Variants in MAN1A1 observed in about 807,000 individuals in gnomAD.
The protein encoded by MAN1A1 is mannosidase alpha class 1A member 1, also known as mannosyl-oligosaccharide 1,2-alpha-mannosidase IA.
Under a neutral mutation model 70.8 loss-of-function variants are expected in MAN1A1, and 29 were observed. The ratio of observed to expected loss-of-function variants is 0.41; its 90% CI spans 0.31 to 0.56. The LOEUF (loss-of-function observed/expected upper bound fraction) is 0.56. Among genes scored for constraint, MAN1A1 ranks in the 20% least tolerant of loss-of-function variants. The probability of loss-of-function intolerance (pLI) is 0.29; values close to 1 mark genes in which losing one functional copy is unlikely to be tolerated. For missense variants in MAN1A1, 747 were observed against 841.3 expected (o/e 0.89, Z 1.39); for synonymous variants, 349 against 330.1 (o/e 1.06, Z -0.62).
chr6:119,266,984 G>T lies in MAN1A1; in HGVS notation c.898-18630C>A, dbSNP rs757556246. On this transcript the variant is annotated intron_variant, in intron 5 of 12. Transcript: ENST00000368468. ...CAGATGGTAAATAAGTATATGGAAAGATGTTCCACATCGCAAATCATCAAG... is the reference window on the plus strand; with the variant it reads ...CAGATGGTAAATAAGTATATGGAAATATGTTCCACATCGCAAATCATCAAG... Among the ~76,000 whole-genome samples, 4 of 152,184 alleles carry T rather than the reference G, an allele frequency of 2.6e-5. 1 individual carries two copies. The highest frequency in any genetic ancestry group is 5.9e-5 in the Non-Finnish European group (4 of 68,038).
intron 4 of MAN1A1, among the ~76,000 whole-genome samples, chr6:119,295,555 AGATCT>A (rs1374638654): frequency 3.9e-5 from 6 of 152,214 alleles, no homozygotes; most frequent in African/African-American, 1.4e-4. Context: ...ACAGCATGAC[AGATCT>A]GATTGATTGC....
At chr6:119,200,195 T>C (rs949544381) in intron 8 of MAN1A1, among the ~76,000 whole-genome samples, 1 of 152,202 alleles carries the variant, frequency 6.6e-6, no homozygotes. Context: ...TTAGTAAATA[T>C]GACTAAGACA....
chr6:119,257,746 C>T (rs1775500342), intron 5 of MAN1A1, among the ~76,000 whole-genome samples: 1 of 151,926 alleles, frequency 6.6e-6, no homozygotes, highest in Non-Finnish European at 1.5e-5. Context: ...AGCTCTAGTG[C>T]TTCAAACTAT....
At position 119,188,412 on chromosome 6, in the gene MAN1A1, G is replaced by A; in HGVS notation, c.1712C>T (p.Ala571Val). 1 of 1,603,720 alleles carries A rather than the reference G, an allele frequency of 6.2e-7. No individual in the cohort carries two copies. Among genetic ancestry groups the A allele is most frequent in the Non-Finnish European group, 8.5e-7 (1 of 1,176,962 alleles). ...TGCAAATTAAAACATCACCTCTACG[G>A]CTTCCCAGGCCCATTTCCTGTACTT... is the stretch of plus-strand genomic sequence containing the variant. ...DPKYRKWAWEAVEALENHCRV... is the reference protein window; with the variant it reads ...DPKYRKWAWEVVEALENHCRV... The change falls in exon 11 of 13, where the codon GCC (alanine) becomes GTC (valine). Residue 571 changes from alanine to valine, a missense_variant. Transcript: ENST00000368468.
chr6:119,246,870 T>C (rs1775181183), intron 6 of MAN1A1, among the ~76,000 whole-genome samples: 1 of 152,066 alleles, frequency 6.6e-6, no homozygotes, highest in African/African-American at 2.4e-5. Flanking sequence ...ATCTTCAAGC[T>C]GACAGAGAAA....
intron 5 of MAN1A1, among the ~76,000 whole-genome samples, chr6:119,252,741 G>C (rs1775357068): frequency 6.6e-6 from 1 of 152,174 alleles, no homozygotes; most frequent in South Asian, 2.1e-4. Context: ...GCAGTGAGCC[G>C]AGACTGCGTC....
intron 5 of MAN1A1, among the ~76,000 whole-genome samples, chr6:119,256,665 G>A (rs1236200764): frequency 6.6e-6 from 1 of 152,074 alleles, no homozygotes; most frequent in African/African-American, 2.4e-5. Flanking sequence ...TAAGAGTCAG[G>A]AGCCCTAGGT....
chr6:119,319,904 T>C (rs767003296), intron 2 of MAN1A1, among the ~76,000 whole-genome samples: 1 of 151,962 alleles, frequency 6.6e-6, no homozygotes, highest in Non-Finnish European at 1.5e-5. Context: ...GTGTGGCACA[T>C]GCAGATATGC....
chr6:119,349,426 G>C (rs1773840714), intron 1 of MAN1A1, 116 bp downstream of exon 1: 1 of 912,934 alleles, frequency 1.1e-6, no homozygotes, highest in African/African-American at 1.8e-5. Context: ...CACCGCCCTC[G>C]CAGCCCACTC....
chr6:119,244,130 C>T (rs1300134841), intron 6 of MAN1A1, among the ~76,000 whole-genome samples: 1 of 152,030 alleles, frequency 6.6e-6, no homozygotes, highest in African/African-American at 2.4e-5. Flanking sequence ...TCTAAGTCTA[C>T]TCTACCTAGA....
In MAN1A1 at chr6:119,205,262, A is replaced by C. The variant is rs117695309; in HGVS notation, c.993-380T>G. 1.6e-4 allele frequency among the ~76,000 whole-genome samples: 24 copies of C among 152,328 alleles called. No individual in the cohort carries two copies. In the East Asian group the frequency reaches 4.6e-3, roughly 29 times the overall value. On this transcript the variant is annotated intron_variant, in intron 6 of 12. Coordinates refer to ENST00000368468, the MANE Select transcript of MAN1A1 (RefSeq NM_005907.4). ...TAAAGCTCTTCAACATTTTAATTTC[A>C]GCCTAAGAGACCAAGGAATTTTGGA... is the stretch of plus-strand genomic sequence containing the variant.
intron 12 of MAN1A1, 43 bp from the exon 13 acceptor site, chr6:119,179,988 C>A (rs1467911179): frequency 6.2e-7 from 1 of 1,603,104 alleles, no homozygotes; most frequent in African/African-American, 1.3e-5. Context: ...AGACACTAGG[C>A]AGGCAGTGAA....
intron 6 of MAN1A1, among the ~76,000 whole-genome samples, chr6:119,219,718 A>C (rs1373951732): frequency 1.3e-5 from 2 of 152,162 alleles, no homozygotes; most frequent in African/African-American, 2.4e-5. Context: ...CAAAATTTAA[A>C]AGTGTAACAA....
At chr6:119,189,953 A>G (rs1773397400) in intron 9 of MAN1A1, 70 bp from the exon 10 acceptor site, 4 of 1,189,954 alleles carry the variant, frequency 3.4e-6, no homozygotes, top group East Asian at 2.5e-5. Flanking sequence ...TATGCCCAAC[A>G]TTAAAAAAAA....
chr6:119,305,476 T>A (rs1049796308), intron 3 of MAN1A1, among the ~76,000 whole-genome samples: 3 of 125,182 alleles, frequency 2.4e-5, no homozygotes, highest in Non-Finnish European at 5.5e-5. Flanking sequence ...TTACCCATGT[T>A]AACTGGTAGC....
At position 119,179,867 on chromosome 6, in the gene MAN1A1, GAGA is replaced by G; in HGVS notation, c.1911_1913del (p.Leu638del). 4 of 1,613,122 alleles carry G rather than the reference GAGA, an allele frequency of 2.5e-6. No homozygotes were observed. Among genetic ancestry groups the G allele is most frequent in the East Asian group, 2.2e-5 (1 of 44,870 alleles). On this transcript the variant is annotated inframe_deletion, in exon 13 of 13. Transcript: ENST00000368468. ...CCTTTTTATCTTTAGGGAGGATAGG[GAGA>G]AGATGTGCCTCGCTATTGAAGATCC...
At chr6:119,212,120 G>A (rs541991542) in intron 6 of MAN1A1, among the ~76,000 whole-genome samples, 155 of 150,756 alleles carry the variant, frequency 1.0e-3, no homozygotes, top group African/African-American at 3.6e-3. Context: ...GATTACAGGT[G>A]TGAGCCACTG....
intron 11 of MAN1A1, among the ~76,000 whole-genome samples, chr6:119,181,827 C>A (rs78050956): frequency 1.3e-5 from 2 of 152,138 alleles, no homozygotes; most frequent in East Asian, 3.9e-4. Context: ...TGGATATACA[C>A]CATCTTCTGT....
At chr6:119,297,416 T>A (rs1003300804) in intron 4 of MAN1A1, among the ~76,000 whole-genome samples, 2 of 152,204 alleles carry the variant, frequency 1.3e-5, no homozygotes, top group African/African-American at 4.8e-5. Context: ...TAAACTCTAA[T>A]TAGTAATCTA....
Sources: allele counts gnomAD v4.1 joint callset (sites outside exome capture counted in the v4.1 genomes callset), GRCh38; gene constraint gnomAD v4.1.1; transcripts MANE v1.5; gene names NCBI Gene and HGNC (gene_info 2026-07-23, HGNC 2026-07-21).